The following EPS8 variants were observed in gnomAD, a reference collection of about 807,000 sequenced individuals.
EPS8 encodes the protein epidermal growth factor receptor kinase substrate 8.
A neutral mutation model predicts 103.8 loss-of-function variants in EPS8; 42 were observed. That is an observed-to-expected ratio of 0.40 (90% CI 0.32 to 0.52). The LOEUF is 0.52. Ranked by LOEUF, EPS8 falls within the 20% of genes least tolerant of loss-of-function variation. EPS8 has a pLI of 0.40. For synonymous variants in EPS8, 344 were observed against 344.6 expected, an observed-to-expected ratio of 1.00 and a Z score of 0.02; for missense variants, 969 against 1,005.1, an observed-to-expected ratio of 0.96 and a Z score of 0.49.
At chr12:15,753,152 C>G (rs1946951054) in intron 1 of EPS8, among the ~76,000 whole-genome samples, 1 of 152,010 alleles carries the variant, frequency 6.6e-6, no homozygotes, top group Non-Finnish European at 1.5e-5. Flanking sequence ...CTGCAACATG[C>G]CAAAGTAATT....
Position 15,777,084 on chromosome 12 carries a change from A to T in EPS8, c.-22+12077T>A, listed in dbSNP as rs1947214003. On this transcript the variant is annotated intron_variant, in intron 1 of 20. Coordinates refer to ENST00000281172, the MANE Select transcript of EPS8 (RefSeq NM_004447.6). This position sits in a 1 kb window ranked among gnomAD's most constrained non-coding sequence, Gnocchi z 4.7. The stretch of plus-strand genomic sequence containing the variant: ...AGAAAAGATGAAAATAGCTAGAGAT[A>T]ACAGATATAGATGGAGGAAGGACAT... Among the ~76,000 whole-genome samples, 1 of 152,218 alleles carries T rather than the reference A, an allele frequency of 6.6e-6. No homozygotes were observed. Among genetic ancestry groups the T allele is most frequent in the Non-Finnish European group, 1.5e-5 (1 of 68,028 alleles).
chr12:15,745,258 T>C lies in EPS8; in HGVS notation c.-22+43903A>G, dbSNP rs111491367. Among the ~76,000 whole-genome samples, 433 of 152,324 alleles carry C rather than the reference T, an allele frequency of 2.8e-3. 5 individuals are homozygous for C. The East Asian group carries it at 0.031, about 11-fold the overall frequency. Reference sequence around the variant, plus strand: ...CACTTTACAACCTAACTGCTTATTATAGACTAAGTTCAGTAGATTTTAGTT... The same window carrying C: ...CACTTTACAACCTAACTGCTTATTACAGACTAAGTTCAGTAGATTTTAGTT... On this transcript the variant is annotated intron_variant, in intron 1 of 20. Transcript: ENST00000281172. The surrounding 1 kb of genome is among the most constrained non-coding windows in gnomAD (Gnocchi z 4.6).
chr12:15,788,068 T>A (rs573254912), intron 1 of EPS8: 3 of 152,284 alleles, frequency 2.0e-5, no homozygotes, highest in Admixed American at 6.5e-5. Context: ...CACAACACAG[T>A]TACTTTGAGG....
At chr12:15,692,013 A>G (rs1002131941) in intron 1 of EPS8, among the ~76,000 whole-genome samples, 2 of 151,982 alleles carry the variant, frequency 1.3e-5, no homozygotes, top group Non-Finnish European at 2.9e-5. Flanking sequence ...TGACTGCTCC[A>G]CTCTGAACTG....
chr12:15,667,372 G>A (rs967216237), intron 6 of EPS8, among the ~76,000 whole-genome samples: 1 of 152,064 alleles, frequency 6.6e-6, no homozygotes, highest in Non-Finnish European at 1.5e-5. Flanking sequence ...GTATAAAAGG[G>A]CCTGGCCAAG....
intron 1 of EPS8, among the ~76,000 whole-genome samples, chr12:15,691,875 T>G (rs1946176954): frequency 6.6e-6 from 1 of 152,134 alleles, no homozygotes. Flanking sequence ...TGATCCTATG[T>G]CCCCCTCGTT....
intron 15 of EPS8, among the ~76,000 whole-genome samples, chr12:15,644,185 C>T (rs962010896): frequency 1.3e-5 from 2 of 152,206 alleles, no homozygotes; most frequent in African/African-American, 2.4e-5. Context: ...ACTTCAAGCA[C>T]TCACAGGCTG....
chr12:15,673,717 T>C (rs1388014675), intron 3 of EPS8, among the ~76,000 whole-genome samples: 3 of 152,188 alleles, frequency 2.0e-5, no homozygotes. Flanking sequence ...GTAAATATCG[T>C]CAAATGGTAT....
At chr12:15,730,257 T>A (rs1305575878) in intron 1 of EPS8, among the ~76,000 whole-genome samples, 1 of 152,202 alleles carries the variant, frequency 6.6e-6, no homozygotes, top group Non-Finnish European at 1.5e-5. Flanking sequence ...ATGATAATCA[T>A]GATTTTACAA....
chr12:15,780,557 C>G lies in EPS8; in HGVS notation c.-22+8604G>C, dbSNP rs1483672341. 2 of 149,736 alleles carry G rather than the reference C, an allele frequency of 1.3e-5. No individual in the cohort carries two copies. The highest frequency in any genetic ancestry group is 3.0e-5 in the Non-Finnish European group (2 of 67,724). 9.3% of individuals were successfully genotyped at this position (149,736 alleles called of 1,614,324 possible). On this transcript the variant is annotated intron_variant, in intron 1 of 20. Transcript: ENST00000281172. This position sits in a 1 kb window ranked among gnomAD's most constrained non-coding sequence, Gnocchi z 4.1. ...GCATACACACTTTTCATTTAACATC[C>G]TCCATGGATAATAGTACCTACTTGA...
chr12:15,784,438 T>C lies in EPS8; in HGVS notation c.-22+4723A>G, dbSNP rs1046324569. Among the ~76,000 whole-genome samples, 2 of 152,160 alleles carry C rather than the reference T, an allele frequency of 1.3e-5. No homozygotes were observed. Among genetic ancestry groups the C allele is most frequent in the African/African-American group, 4.8e-5 (2 of 41,440 alleles). On this transcript the variant is annotated intron_variant, in intron 1 of 20. Coordinates refer to ENST00000281172, the MANE Select transcript of EPS8 (RefSeq NM_004447.6). The surrounding 1 kb of genome is among the most constrained non-coding windows in gnomAD (Gnocchi z 4.0). ...ATAGTAAATTAAAGTAACAATGACATATTACTACACACCTACTAGAATGGG... is the reference window on the plus strand; with the variant it reads ...ATAGTAAATTAAAGTAACAATGACACATTACTACACACCTACTAGAATGGG...
intron 13 of EPS8, among the ~76,000 whole-genome samples, chr12:15,653,812 T>C (rs1219916884): frequency 6.6e-6 from 1 of 152,184 alleles, no homozygotes; most frequent in Non-Finnish European, 1.5e-5. Flanking sequence ...CGCGCGCGCA[T>C]GTGTATGTGT....
rs913742964 is a variant in EPS8 at position 15,725,180 on chromosome 12, C to T, written c.-21-42208G>A. ...AATAAATCAGGATAAGCCAGCAAAT[C>T]TGATACTTACCTGCTAGATAACTGA... is the stretch of plus-strand genomic sequence containing the variant. On this transcript the variant is annotated intron_variant, in intron 1 of 20. Transcript: ENST00000281172. The surrounding 1 kb of genome is among the most constrained non-coding windows in gnomAD (Gnocchi z 4.5). Among the ~76,000 whole-genome samples the T allele has an allele frequency of 6.6e-6, 1 of 152,122 alleles. No homozygotes were observed. Among genetic ancestry groups the T allele is most frequent in the Non-Finnish European group, 1.5e-5 (1 of 68,012 alleles).
chr12:15,650,832 T>A lies in EPS8; in HGVS notation c.1425A>T (p.Leu475Phe), dbSNP rs1945400280. The A allele has an allele frequency of 6.2e-7, 1 of 1,613,790 alleles. No individual in the cohort carries two copies. The highest frequency in any genetic ancestry group is 8.5e-7 in the Non-Finnish European group (1 of 1,179,756). Residue 475 changes from leucine (L) to phenylalanine (F), a missense_variant, in exon 14 of 21, where the codon TTA becomes TTT. Leu to Phe is a conservative substitution (Grantham distance 22). Coordinates refer to ENST00000281172, the MANE Select transcript of EPS8 (RefSeq NM_004447.6). ...TTAAAAAAAAAACTACCTCTGTGGA[T>A]AATCTTTTTATTTCCTGTTTGCGCT... ...EHQRKQEIKR[L>F]STEHSSVSEY...
chr12:15,641,661 C>A lies in EPS8; in HGVS notation c.1677+61G>T. 4 of 735,542 alleles carry A rather than the reference C, an allele frequency of 5.4e-6. No homozygotes were observed. In the South Asian group the frequency reaches 6.7e-5, roughly 12 times the overall value. The allele number at this position is 735,542 out of a possible 1,614,324, so 45.6% of individuals were successfully genotyped here. A position where few individuals can be genotyped will look rare whatever the true frequency, so the allele number is the denominator to read the frequency against. On this transcript the variant is annotated intron_variant, in intron 16 of 20. Transcript: ENST00000281172. The stretch of plus-strand genomic sequence containing the variant: ...TTTGAAGGAAAGTTTAGTTATATAC[C>A]AAAAGAGTAATACAATAAAACTACT...
At position 15,701,652 on chromosome 12, in the gene EPS8, A is replaced by T. The variant is rs1367121715; in HGVS notation, c.-21-18680T>A. Among the ~76,000 whole-genome samples the T allele has an allele frequency of 6.6e-6, 1 of 152,222 alleles. No homozygotes were observed. Among genetic ancestry groups the T allele is most frequent in the Non-Finnish European group, 1.5e-5 (1 of 68,042 alleles). On this transcript the variant is annotated intron_variant, in intron 1 of 20. Coordinates refer to ENST00000281172, the MANE Select transcript of EPS8 (RefSeq NM_004447.6). The surrounding 1 kb of genome is among the most constrained non-coding windows in gnomAD (Gnocchi z 5.1). ...CAAATAATACCAAGTCTTCAATCTG[A>T]AAGAACAACTACTTGGATAAGCTTT...
At chr12:15,758,427 C>A (rs1037254148) in intron 1 of EPS8, among the ~76,000 whole-genome samples, 17 of 152,164 alleles carry the variant, frequency 1.1e-4, no homozygotes, top group Admixed American at 2.0e-4. Flanking sequence ...CAGATCTCTC[C>A]AATAGAACTT....
intron 1 of EPS8, among the ~76,000 whole-genome samples, chr12:15,766,521 T>G (rs1214318502): frequency 1.4e-5 from 2 of 147,836 alleles, no homozygotes; most frequent in Non-Finnish European, 3.0e-5. Flanking sequence ...ATACAAAATA[T>G]TAGCTGGACA....
chr12:15,670,764 A>C, intron 4 of EPS8, 92 bp downstream of exon 4: 1 of 870,980 alleles, frequency 1.1e-6, no homozygotes, highest in Non-Finnish European at 1.8e-6. Flanking sequence ...ATACATCATA[A>C]GAATGAAATA....
Sources: allele counts gnomAD v4.1 joint callset (sites outside exome capture counted in the v4.1 genomes callset), GRCh38; gene constraint gnomAD v4.1.1; non-coding constraint Gnocchi (gnomAD v3.1); transcripts MANE v1.5; gene names NCBI Gene and HGNC (gene_info 2026-07-23, HGNC 2026-07-21).